SH3RF1: variants seen among roughly 807,000 people sequenced by gnomAD.
SH3RF1 encodes E3 ubiquitin-protein ligase SH3RF1.
SH3RF1 carries 32 observed loss-of-function variants against 74.0 expected under a neutral mutation model. That is an observed-to-expected ratio of 0.43 (90% confidence interval 0.33 to 0.58). The LOEUF (loss-of-function observed/expected upper bound fraction) is 0.58. Ranked by LOEUF, SH3RF1 falls within the 20% of genes least tolerant of loss-of-function variation. The pLI is 0.05. For missense variants in SH3RF1, 954 were observed against 1,130.9 expected (o/e 0.84, Z 2.24); for synonymous variants, 396 against 439.6 (o/e 0.90, Z 1.24).
In SH3RF1 at chr4:169,096,317, C is replaced by T. The variant is rs1195365530; in HGVS notation, c.*202G>A. The T allele has an allele frequency of 3.4e-5, 20 of 580,190 alleles. No homozygotes were observed. The highest frequency in any genetic ancestry group is 2.6e-4 in the East Asian group (9 of 34,522). The allele number at this position is 580,190 out of a possible 1,614,324, so 35.9% of individuals were successfully genotyped here. On this transcript the variant is annotated 3_prime_UTR_variant, in exon 12 of 12. Transcript: ENST00000284637. Reference sequence around the variant, plus strand: ...CAGTACAAGGCACACCTTATACATCCGAATCCAGACTAACAAAACCCACAC... The same window carrying T: ...CAGTACAAGGCACACCTTATACATCTGAATCCAGACTAACAAAACCCACAC...
intron 2 of SH3RF1, among the ~76,000 whole-genome samples, chr4:169,192,422 A>C (rs1438584360): frequency 6.6e-6 from 1 of 152,224 alleles, no homozygotes; most frequent in African/African-American, 2.4e-5. Flanking sequence ...AATGCAAATG[A>C]AAACCATAAT....
chr4:169,136,706 C>T, intron 4 of SH3RF1, 86 bp from the exon 5 acceptor site: 6 of 1,389,032 alleles, frequency 4.3e-6, no homozygotes, highest in Non-Finnish European at 5.7e-6. Context: ...TGATTTCATC[C>T]AAAATTTAAA....
chr4:169,250,418 CTTTAA>C (rs1342850325), intron 2 of SH3RF1, among the ~76,000 whole-genome samples: 4 of 152,056 alleles, frequency 2.6e-5, no homozygotes, highest in Non-Finnish European at 5.9e-5. Context: ...ATATATGACA[CTTTAA>C]TTTACTCATC....
In SH3RF1 at chr4:169,094,659, G is replaced by C. The variant is rs2126930989; in HGVS notation, c.*1860C>G. 1 of 152,108 alleles carries C rather than the reference G, an allele frequency of 6.6e-6. No individual in the cohort carries two copies. Among genetic ancestry groups the C allele is most frequent in the African/African-American group, 2.4e-5 (1 of 41,438 alleles). 9.4% of individuals were successfully genotyped at this position (152,108 alleles called of 1,614,324 possible). ...TTGGTGTCAACTTACACAGATGAAAGCTGATGCCAGCTTTTTCCTAACTAA... is the reference window on the plus strand; with the variant it reads ...TTGGTGTCAACTTACACAGATGAAACCTGATGCCAGCTTTTTCCTAACTAA... On this transcript the variant is annotated 3_prime_UTR_variant, in exon 12 of 12. Transcript: ENST00000284637.
intron 11 of SH3RF1, among the ~76,000 whole-genome samples, chr4:169,105,863 G>A (rs936738386): frequency 1.3e-5 from 2 of 152,176 alleles, no homozygotes; most frequent in East Asian, 1.9e-4. Flanking sequence ...TGAAGCCTGC[G>A]CAACAGAGCA....
chr4:169,138,324 G>A lies in SH3RF1; in HGVS notation c.766-1704C>T, dbSNP rs75047101. 3.9e-3 allele frequency among the ~76,000 whole-genome samples: 590 copies of A among 152,286 alleles called. 4 individuals carry two copies. Among genetic ancestry groups the A allele is most frequent in the African/African-American group, 0.014 (569 of 41,550 alleles). On this transcript the variant is annotated intron_variant, in intron 4 of 11. Coordinates refer to ENST00000284637, the MANE Select transcript of SH3RF1 (RefSeq NM_020870.4). ...GTCCTCTTTCCTGCACAGGTTGGGT[G>A]TAAGGAGCCTGGAAACAAAGCAGAT...
In SH3RF1 at chr4:169,211,767, C is replaced by T. The variant is rs1730375222; in HGVS notation, c.394-55088G>A. Among the ~76,000 whole-genome samples the T allele has an allele frequency of 2.0e-5, 3 of 152,070 alleles. No homozygotes were observed. The South Asian group carries it at 6.2e-4, about 32-fold the overall frequency. ...ATGAAAATATTCTCAAGTTTTATTTCAGTATATGTCAGAGAATCTGTCAGA... is the reference window on the plus strand; with the variant it reads ...ATGAAAATATTCTCAAGTTTTATTTTAGTATATGTCAGAGAATCTGTCAGA... On this transcript the variant is annotated intron_variant, in intron 2 of 11. Transcript: ENST00000284637.
chr4:169,165,274 T>C (rs1416764721), intron 2 of SH3RF1, among the ~76,000 whole-genome samples: 1 of 151,716 alleles, frequency 6.6e-6, no homozygotes, highest in Non-Finnish European at 1.5e-5. Context: ...GGAATGATCA[T>C]GTACCAGGAA....
chr4:169,139,077 G>A (rs1253992140), intron 4 of SH3RF1, among the ~76,000 whole-genome samples: 2 of 152,136 alleles, frequency 1.3e-5, no homozygotes, highest in African/African-American at 2.4e-5. Flanking sequence ...TCAACCTCCT[G>A]AGTAGTTGGG....
At position 169,096,443 on chromosome 4, in the gene SH3RF1, T is replaced by C. The variant is rs1732932644; in HGVS notation, c.*76A>G. 1.3e-6 allele frequency: 2 copies of C among 1,503,444 alleles called. No individual in the cohort carries two copies. The highest frequency in any genetic ancestry group is 2.8e-5 in the African/African-American group (2 of 72,266). 93.1% of individuals were successfully genotyped at this position (1,503,444 alleles called of 1,614,324 possible). A position where few individuals can be genotyped will look rare whatever the true frequency, so the allele number is the denominator to read the frequency against. ...TCCTGACCATCTGGAAGTCCACAAA[T>C]GTGCTCTTTCTGTTAAACTGCTTTG... On this transcript the variant is annotated 3_prime_UTR_variant, in exon 12 of 12. Transcript: ENST00000284637.
At chr4:169,242,187 A>G (rs1040868091) in intron 2 of SH3RF1, among the ~76,000 whole-genome samples, 13 of 152,138 alleles carry the variant, frequency 8.5e-5, no homozygotes, top group African/African-American at 3.1e-4. Flanking sequence ...TCTTCCCCAA[A>G]GGAGAAATAC....
In SH3RF1 at chr4:169,156,441, T is replaced by C. The variant is rs1215256549; in HGVS notation, c.632A>G (p.Asp211Gly). The change falls in exon 3 of 12, where the codon GAC becomes GGC. Residue 211 changes from aspartate (D) to glycine (G), a missense_variant. This residue lies in a region of SH3RF1 where 854 missense variants were observed against 962.5 expected (regional missense o/e 0.89). Coordinates refer to ENST00000284637, the MANE Select transcript of SH3RF1 (RefSeq NM_020870.4). ...AAGGCAATCTTTGTCTGCTTCCTTGTCTTTCACTTCAAAGTCATAAAGTGC... is the reference window on the plus strand; with the variant it reads ...AAGGCAATCTTTGTCTGCTTCCTTGCCTTTCACTTCAAAGTCATAAAGTGC... ...CKALYDFEVK[D>G]KEADKDCLPF... is the part of the protein sequence containing the mutation. The C allele has an allele frequency of 1.2e-6, 2 of 1,600,714 alleles. No individual in the cohort carries two copies. The highest frequency in any genetic ancestry group is 2.7e-5 in the African/African-American group (2 of 74,672).
chr4:169,112,468 A>G (rs190252394), intron 10 of SH3RF1, among the ~76,000 whole-genome samples: 8 of 152,366 alleles, frequency 5.3e-5, no homozygotes, highest in African/African-American at 1.9e-4. Flanking sequence ...TGATTTTTAA[A>G]TGTTCAAAGA....
At chr4:169,243,600 T>C (rs1244378001) in intron 2 of SH3RF1, among the ~76,000 whole-genome samples, 1 of 152,224 alleles carries the variant, frequency 6.6e-6, no homozygotes, top group Non-Finnish European at 1.5e-5. Flanking sequence ...CTCAGTTTAA[T>C]CTTCAAACAG....
intron 10 of SH3RF1, among the ~76,000 whole-genome samples, chr4:169,115,197 G>A (rs1256204919): frequency 6.6e-6 from 1 of 152,030 alleles, no homozygotes; most frequent in Non-Finnish European, 1.5e-5. Flanking sequence ...AGAAAATAAT[G>A]TTTCCTTATA....
chr4:169,169,652 T>G (rs988558690), intron 2 of SH3RF1, among the ~76,000 whole-genome samples: 1 of 152,040 alleles, frequency 6.6e-6, no homozygotes, highest in Non-Finnish European at 1.5e-5. Context: ...AAAACTGGTT[T>G]TGTTTAAAGG....
chr4:169,096,524 T>C lies in SH3RF1; in HGVS notation c.2662A>G (p.Ile888Val), dbSNP rs1283964220. 4.3e-6 allele frequency: 7 copies of C among 1,613,772 alleles called. No individual in the cohort carries two copies. In the East Asian group the frequency reaches 6.7e-5, roughly 15 times the overall value. The change falls in exon 12 of 12, where the codon ATA (isoleucine) becomes GTA (valine). Residue 888 changes from isoleucine (I) to valine (V), a missense_variant. This residue lies in a region of SH3RF1 where 36 missense variants were observed against 66.5 expected (regional missense o/e 0.54). Transcript: ENST00000284637. ...GLFPGSFVEN[I>V] ...CTTCTTCAGTGTCAGTCTCCTCATA[T>C]GTTTTCCACAAAGCTTCCTGGGAAA...
chr4:169,140,770 A>C (rs1436315988), intron 4 of SH3RF1, among the ~76,000 whole-genome samples: 1 of 152,168 alleles, frequency 6.6e-6, no homozygotes, highest in Admixed American at 6.5e-5. Flanking sequence ...TAAGTTGAAT[A>C]GTTACTATTT....
At chr4:169,134,283 G>A (rs1363724805) in intron 5 of SH3RF1, among the ~76,000 whole-genome samples, 1 of 152,132 alleles carries the variant, frequency 6.6e-6, no homozygotes, top group Non-Finnish European at 1.5e-5. Flanking sequence ...TAAGCTACTT[G>A]AACCAAAACA....
Sources: allele counts gnomAD v4.1 joint callset (sites outside exome capture counted in the v4.1 genomes callset), GRCh38; gene constraint gnomAD v4.1.1; regional missense constraint gnomAD v4.1.1; transcripts MANE v1.5; gene names NCBI Gene and HGNC (gene_info 2026-07-23, HGNC 2026-07-21).